Variants in PPARGC1A observed in about 807,000 individuals in gnomAD.
PPARGC1A encodes the protein PPARG coactivator 1 alpha, also known as peroxisome proliferator-activated receptor gamma coactivator 1-alpha.
Under a neutral mutation model 88.7 loss-of-function variants are expected in PPARGC1A, and 25 were observed. That is an observed-to-expected ratio of 0.28 (90% CI 0.21 to 0.39). The LOEUF (loss-of-function observed/expected upper bound fraction) is 0.39. PPARGC1A is among the 10% of genes least tolerant of loss of function. The pLI, the probability that PPARGC1A is intolerant of heterozygous loss-of-function variation, is 1.00. For synonymous variants in PPARGC1A, 363 were observed against 355.6 expected (o/e 1.02, Z -0.24); for missense variants, 880 against 968.7 (o/e 0.91, Z 1.22).
chr4:24,266,327 A>G, the PPARGC1A span, among the ~76,000 whole-genome samples: 1 of 152,038 alleles, frequency 6.6e-6, no homozygotes, highest in Non-Finnish European at 1.5e-5. Flanking sequence ...TTGTAGGAGG[A>G]AAAATGCAGC....
the PPARGC1A span, among the ~76,000 whole-genome samples, chr4:24,077,186 G>A: frequency 6.6e-6 from 1 of 152,022 alleles, no homozygotes; most frequent in Non-Finnish European, 1.5e-5. Context: ...CTTCACTCAA[G>A]GAATATCTTT....
At chr4:24,431,427 C>G in the PPARGC1A span, among the ~76,000 whole-genome samples, 4 of 152,124 alleles carry the variant, frequency 2.6e-5, no homozygotes, top group Non-Finnish European at 5.9e-5. Flanking sequence ...AGAATGCAAA[C>G]TCTGCAAAAT....
intron 2 of PPARGC1A, chr4:23,883,321 C>T (rs748554589): frequency 4.6e-5 from 7 of 152,210 alleles, no homozygotes; most frequent in Non-Finnish European, 8.8e-5. Flanking sequence ...AACCTACAGC[C>T]GTCTCGGCTC....
At chr4:24,423,140 G>A in the PPARGC1A span, among the ~76,000 whole-genome samples, 2 of 152,054 alleles carry the variant, frequency 1.3e-5, no homozygotes, top group Non-Finnish European at 2.9e-5. Context: ...CCTCCTAAAT[G>A]AGCCTTCCCA....
At chr4:24,287,221 G>A in the PPARGC1A span, among the ~76,000 whole-genome samples, 1 of 147,018 alleles carries the variant, frequency 6.8e-6, no homozygotes, top group Non-Finnish European at 1.5e-5. Context: ...AAAAAAAAAT[G>A]TATCCAGACA....
At position 23,795,090 on chromosome 4, in the gene PPARGC1A, A is replaced by G. The variant is rs531018575; in HGVS notation, c.*732T>C. ...GAGAGAGAGAGAGAGACAGGATATT[A>G]GTTCTATGGAACCTGTGGTTTCTTC... On this transcript the variant is annotated 3_prime_UTR_variant, in exon 13 of 13. Coordinates refer to ENST00000264867, the MANE Select transcript of PPARGC1A (RefSeq NM_013261.5). 1 of 151,282 alleles carries G rather than the reference A, an allele frequency of 6.6e-6. No individual in the cohort carries two copies. The highest frequency in any genetic ancestry group is 2.1e-4 in the South Asian group (1 of 4,760). 9.4% of individuals were successfully genotyped at this position (151,282 alleles called of 1,614,324 possible).
At chr4:24,375,974 T>C in the PPARGC1A span, among the ~76,000 whole-genome samples, 1 of 151,870 alleles carries the variant, frequency 6.6e-6, no homozygotes, top group African/African-American at 2.4e-5. Flanking sequence ...GTGGGTAACA[T>C]TGTCAGAAAT....
chr4:24,041,738 C>T, the PPARGC1A span, among the ~76,000 whole-genome samples: 7 of 152,100 alleles, frequency 4.6e-5, no homozygotes, highest in Non-Finnish European at 8.8e-5. Flanking sequence ...TCGACACACA[C>T]CCATGAAGCA....
chr4:23,977,068 A>AAAG, the PPARGC1A span, among the ~76,000 whole-genome samples: 25 of 152,032 alleles, frequency 1.6e-4, no homozygotes, highest in African/African-American at 5.3e-4. Flanking sequence ...GAAGAAGAAG[A>AAAG]AAGAAGAAGA....
intron 12 of PPARGC1A, among the ~76,000 whole-genome samples, chr4:23,796,199 C>T (rs1483872222): frequency 6.6e-6 from 1 of 152,064 alleles, no homozygotes; most frequent in East Asian, 1.9e-4. Context: ...GATAACCACC[C>T]TCCCCTTCCC....
At chr4:24,401,015 C>CTTT in the PPARGC1A span, among the ~76,000 whole-genome samples, 2,023 of 99,738 alleles carry the variant, frequency 0.02, 73 homozygotes, top group Non-Finnish European at 0.022. Context: ...CCTGAATTTT[C>CTTT]TTTTTTTTTT....
chr4:24,263,288 T>A, the PPARGC1A span, among the ~76,000 whole-genome samples: 1,955 of 152,112 alleles, frequency 0.013, 51 homozygotes, highest in East Asian at 0.12. Flanking sequence ...TGTCCAATGG[T>A]GATAAAACAA....
chr4:24,461,747 G>T, the PPARGC1A span, among the ~76,000 whole-genome samples: 5 of 151,872 alleles, frequency 3.3e-5, no homozygotes, highest in African/African-American at 4.8e-5. Flanking sequence ...AAAAACTCTC[G>T]GCAGGTATTC....
intron 10 of PPARGC1A, among the ~76,000 whole-genome samples, chr4:23,806,763 T>C (rs368066508): frequency 7.4e-4 from 112 of 152,254 alleles, no homozygotes; most frequent in African/African-American, 2.7e-3. Context: ...AAAATCTTTA[T>C]CAAAAAGAGT....
At chr4:24,294,133 GC>G in the PPARGC1A span, among the ~76,000 whole-genome samples, 1 of 152,152 alleles carries the variant, frequency 6.6e-6, no homozygotes, top group Non-Finnish European at 1.5e-5. Flanking sequence ...CAAAGCCGAG[GC>G]TTTTGGTCAG....
At chr4:24,296,853 G>A in the PPARGC1A span, among the ~76,000 whole-genome samples, 1 of 152,180 alleles carries the variant, frequency 6.6e-6, no homozygotes. Context: ...AAATAGAGGT[G>A]CCAGGATGCA....
chr4:23,910,441 T>C, the PPARGC1A span, among the ~76,000 whole-genome samples: 1 of 122,008 alleles, frequency 8.2e-6, no homozygotes, highest in African/African-American at 3.1e-5. Context: ...ATATATATAT[T>C]AATATATATA....
chr4:23,808,859 C>A (rs957343148), intron 10 of PPARGC1A, among the ~76,000 whole-genome samples: 1 of 152,088 alleles, frequency 6.6e-6, no homozygotes, highest in African/African-American at 2.4e-5. Flanking sequence ...AAAACACCTC[C>A]TACTTATGGA....
the PPARGC1A span, among the ~76,000 whole-genome samples, chr4:24,452,620 G>A: frequency 6.6e-6 from 1 of 152,050 alleles, no homozygotes; most frequent in Non-Finnish European, 1.5e-5. Context: ...ACCTGCCCTG[G>A]GTTGTTCATT....
Sources: gnomAD v4.1 joint callset for allele counts (sites outside exome capture counted in the v4.1 genomes callset) on GRCh38, gnomAD v4.1.1 for gene constraint, MANE v1.5 for transcripts, NCBI Gene and HGNC (gene_info 2026-07-23, HGNC 2026-07-21) for gene names.